The following STAC variants were observed in gnomAD, a reference collection of about 807,000 sequenced individuals.
The protein encoded by STAC is SH3 and cysteine-rich domain-containing protein.
STAC carries 43 observed loss-of-function variants against 48.8 expected under a neutral mutation model. The observed-to-expected ratio is 0.88, with a 90% CI of 0.69 to 1.14. STAC has a LOEUF of 1.14. STAC is among the 50% of genes most tolerant of loss of function. The pLI is 0.00. For synonymous variants in STAC, 193 were observed against 179.5 expected, an observed-to-expected ratio of 1.07 and a Z score of -0.60; for missense variants, 497 against 504.0, an observed-to-expected ratio of 0.99 and a Z score of 0.13.
In STAC at chr3:36,418,940, G is replaced by A. The variant is rs149184978; in HGVS notation, c.112-24424G>A. ...TGCATGCCTGTACTCCCAGCTACCC[G>A]GGAGGCTGAGGCAGGAGAATGGCTT... is the stretch of plus-strand genomic sequence containing the variant. On this transcript the variant is annotated intron_variant, in intron 1 of 10. Transcript: ENST00000273183. Among the ~76,000 whole-genome samples, 1,313 of 151,746 alleles carry A rather than the reference G, an allele frequency of 8.7e-3. 7 individuals carry two copies. The highest frequency in any genetic ancestry group is 0.013 in the Non-Finnish European group (873 of 67,904).
intron 2 of STAC, among the ~76,000 whole-genome samples, chr3:36,473,073 G>A (rs572596750): frequency 3.7e-4 from 56 of 152,298 alleles, no homozygotes; most frequent in African/African-American, 1.2e-3. Context: ...GAATCATGGC[G>A]GGAGGCAAAA....
intron 8 of STAC, among the ~76,000 whole-genome samples, chr3:36,519,052 T>C (rs1161696502): frequency 6.6e-6 from 1 of 152,130 alleles, no homozygotes; most frequent in Non-Finnish European, 1.5e-5. Flanking sequence ...AGAGGGGTCA[T>C]GGGTGGCTGG....
In STAC at chr3:36,462,301, T is replaced by A. The variant is rs1188487996; in HGVS notation, c.388+18661T>A. Among the ~76,000 whole-genome samples the A allele has an allele frequency of 2.7e-5, 4 of 149,052 alleles. No individual in the cohort carries two copies. In the East Asian group the frequency reaches 8.1e-4, roughly 30 times the overall value. On this transcript the variant is annotated intron_variant, in intron 2 of 10. Transcript: ENST00000273183. ...TTCTGGAGTATGCATTGGGGGAAAATTCAGTGTTAGTCACGTTAAAATTGA... is the reference window on the plus strand; with the variant it reads ...TTCTGGAGTATGCATTGGGGGAAAAATCAGTGTTAGTCACGTTAAAATTGA...
At chr3:36,528,622 G>T in intron 8 of STAC, 74 bp from the exon 9 acceptor site, 1 of 1,198,832 alleles carries the variant, frequency 8.3e-7, no homozygotes, top group South Asian at 1.6e-5. Context: ...AATGAGAAAT[G>T]ATTACTCCTG....
intron 1 of STAC, among the ~76,000 whole-genome samples, chr3:36,407,770 A>G (rs1700113356): frequency 6.6e-6 from 1 of 152,226 alleles, no homozygotes. Flanking sequence ...CCACCAATTT[A>G]GCAGCTTAAA....
intron 10 of STAC, among the ~76,000 whole-genome samples, chr3:36,542,133 T>G (rs1699343379): frequency 6.6e-6 from 1 of 151,274 alleles, no homozygotes; most frequent in African/African-American, 2.4e-5. Flanking sequence ...GAAAGGAGAA[T>G]AGAAAGAATT....
In STAC at chr3:36,546,179, C is replaced by T. The variant is rs1423538456; in HGVS notation, c.1111-12C>T. On this transcript the variant is annotated splice_polypyrimidine_tract_variant and intron_variant, in intron 10 of 10. Transcript: ENST00000273183. Reference sequence around the variant, plus strand: ...GTAAAGTATTTTGTTTTTTTTCTTCCTTGGCATTCAGATCTGCGTGAGTTC... The same window carrying T: ...GTAAAGTATTTTGTTTTTTTTCTTCTTTGGCATTCAGATCTGCGTGAGTTC... 6.2e-7 allele frequency: 1 copy of T among 1,609,216 alleles called. No individual in the cohort carries two copies. The highest frequency in any genetic ancestry group is 1.7e-5 in the Admixed American group (1 of 59,122).
At chr3:36,526,309 G>A (rs1003911303) in intron 8 of STAC, among the ~76,000 whole-genome samples, 1 of 152,106 alleles carries the variant, frequency 6.6e-6, no homozygotes, top group Non-Finnish European at 1.5e-5. Flanking sequence ...CCAAAACAGA[G>A]GTGGATGGAG....
At chr3:36,381,328 T>C (rs1274671034) in intron 1 of STAC, among the ~76,000 whole-genome samples, 2 of 152,238 alleles carry the variant, frequency 1.3e-5, no homozygotes, top group Admixed American at 6.5e-5. Flanking sequence ...TACTTGCTTT[T>C]ATGAAAGTTA....
intron 2 of STAC, among the ~76,000 whole-genome samples, chr3:36,462,725 T>C (rs111617140): frequency 1.9e-3 from 285 of 152,336 alleles, no homozygotes; most frequent in African/African-American, 6.3e-3. Context: ...ACTTTGACTG[T>C]GGCACTTAGC....
At chr3:36,545,038 G>A (rs1445316609) in intron 10 of STAC, among the ~76,000 whole-genome samples, 2 of 152,168 alleles carry the variant, frequency 1.3e-5, no homozygotes, top group East Asian at 3.9e-4. Flanking sequence ...CCACTGTGGT[G>A]GCTTCTGTTG....
chr3:36,477,380 T>C (rs562668053), intron 2 of STAC, among the ~76,000 whole-genome samples: 2 of 152,212 alleles, frequency 1.3e-5, no homozygotes, highest in Non-Finnish European at 2.9e-5. Context: ...CTGACATTTA[T>C]GAAATTGGAT....
At chr3:36,398,414 G>GGGAA (rs761355414) in intron 1 of STAC, among the ~76,000 whole-genome samples, 880 of 35,722 alleles carry the variant, frequency 0.025, 19 homozygotes, top group African/African-American at 0.029. Flanking sequence ...GAAAGAGAGA[G>GGGAA]GGAAGGAAGG....
intron 5 of STAC, among the ~76,000 whole-genome samples, chr3:36,491,803 C>T (rs1697973999): frequency 6.6e-6 from 1 of 150,846 alleles, no homozygotes; most frequent in Non-Finnish European, 1.5e-5. Flanking sequence ...CACCTGAGGT[C>T]AGGAGTTCGA....
At chr3:36,475,946 C>T (rs1170271756) in intron 2 of STAC, among the ~76,000 whole-genome samples, 2 of 152,142 alleles carry the variant, frequency 1.3e-5, no homozygotes, top group South Asian at 2.1e-4. Flanking sequence ...GATGCAGTCA[C>T]ATTAGAACAT....
At chr3:36,485,693 A>T (rs948158151) in intron 4 of STAC, 3 of 152,806 alleles carry the variant, frequency 2.0e-5, no homozygotes, top group African/African-American at 7.2e-5. Context: ...TAAACTAGAA[A>T]TTTATAAGTT....
At position 36,546,694 on chromosome 3, in the gene STAC, C is replaced by T. The variant is rs1030006630; in HGVS notation, c.*405C>T. The stretch of plus-strand genomic sequence containing the variant: ...ATGTAGCTAAGTATTATCCTGCTTC[C>T]AGACCTATGTCACCAGTACCAATCA... On this transcript the variant is annotated 3_prime_UTR_variant, in exon 11 of 11. Transcript: ENST00000273183. 1 of 193,492 alleles carries T rather than the reference C, an allele frequency of 5.2e-6. No homozygotes were observed. The highest frequency in any genetic ancestry group is 1.1e-5 in the Non-Finnish European group (1 of 93,622). The allele number at this position is 193,492 out of a possible 1,614,324, so 12.0% of individuals were successfully genotyped here.
intron 1 of STAC, among the ~76,000 whole-genome samples, chr3:36,407,747 T>C (rs553143107): frequency 1.0e-3 from 152 of 152,318 alleles, no homozygotes; most frequent in Non-Finnish European, 1.7e-3. Flanking sequence ...TCTATTGCCA[T>C]ATAACAAAAA....
chr3:36,523,241 G>T (rs1225501401), intron 8 of STAC, among the ~76,000 whole-genome samples: 2 of 152,144 alleles, frequency 1.3e-5, no homozygotes, highest in Non-Finnish European at 2.9e-5. Flanking sequence ...ACCATTTCAA[G>T]AGTTCCTATA....
Sources: allele counts gnomAD v4.1 joint callset (sites outside exome capture counted in the v4.1 genomes callset), GRCh38; gene constraint gnomAD v4.1.1; transcripts MANE v1.5; gene names NCBI Gene and HGNC (gene_info 2026-07-23, HGNC 2026-07-21).